Variants in FLG observed in about 807,000 individuals in gnomAD.
FLG encodes the protein epidermal filaggrin.
A neutral mutation model predicts 3.8 loss-of-function variants in FLG; 6 were observed. The ratio of observed to expected loss-of-function variants is 1.60; its 90% confidence interval spans 0.87 to 3.15. The LOEUF (loss-of-function observed/expected upper bound fraction) is 3.15. Among genes scored for constraint, FLG ranks in the 30% most tolerant of loss-of-function variants. The probability of loss-of-function intolerance (pLI) is 0.00; values close to 1 mark genes in which losing one functional copy is unlikely to be tolerated. For synonymous variants in FLG, 2,551 were observed against 1,931.6 expected (o/e 1.32, Z -8.41); for missense variants, 7,595 against 5,050.9 (o/e 1.50, Z -15.27).
Position 152,304,562 on chromosome 1 carries a change from T to A in FLG, c.10324A>T (p.Arg3442Ter), listed in dbSNP as rs764094665. The A allele has an allele frequency of 2.5e-5, 40 of 1,610,204 alleles. 1 individual carries two copies. The highest frequency in any genetic ancestry group is 3.1e-5 in the Non-Finnish European group (37 of 1,178,068). Residue 3442 changes from arginine (R) to a stop codon, truncating the protein, a stop_gained, in exon 3 of 3, where the codon AGA becomes TGA. Transcript: ENST00000368799. LOFTEE classifies it low-confidence loss of function (END_TRUNC). ...DTIRGHPGSS[R>*]RGRQGSHYEQ... The stretch of plus-strand genomic sequence containing the variant: ...TAGTGGGATCCCTGCCTTCCTCTTC[T>A]GCTTGACCCCGGGTGTCCACGAATG...
rs753760290 is a variant in FLG, at chr1:152,309,536, G to T, written c.5350C>A (p.Pro1784Thr). 7.4e-6 allele frequency: 12 copies of T among 1,613,662 alleles called. No homozygotes were observed. The South Asian group carries it at 8.8e-5, about 12-fold the overall frequency. ...QSESAHGRTG[P>T]STGGRQRSRH... is the part of the protein sequence containing the mutation. Reference sequence around the variant, plus strand: ...GATCTTTGTCTTCCTCCAGTGCTGGGCCCTGTGCGTCCATGGGCGGACTCA... The same window carrying T: ...GATCTTTGTCTTCCTCCAGTGCTGGTCCCTGTGCGTCCATGGGCGGACTCA... Residue 1784 changes from proline (P) to threonine (T), a missense_variant, in exon 3 of 3, where the codon CCC (proline) becomes ACC (threonine). Physicochemically the swap from Pro to Thr is conservative, Grantham distance 38 (BLOSUM62 -1). Coordinates refer to ENST00000368799, the MANE Select transcript of FLG (RefSeq NM_002016.2).
At position 152,313,113 on chromosome 1, in the gene FLG, A is replaced by T. The variant is rs1228768623; in HGVS notation, c.1773T>A (p.Ala591=). ...GTCTAGAGCTGTCAGCCTGAGAGGA[A>T]GCTTCATGATGACGTGACCCTGAGT... is the stretch of plus-strand genomic sequence containing the variant. ...TRHSGSRHHE[A]SSQADSSRHS... Residue 591 remains alanine (A), a synonymous_variant, in exon 3 of 3, where the codon GCT becomes GCA. Coordinates refer to ENST00000368799, the MANE Select transcript of FLG (RefSeq NM_002016.2). 6.2e-7 allele frequency: 1 copy of T among 1,613,806 alleles called. No individual in the cohort carries two copies. Among genetic ancestry groups the T allele is most frequent in the Non-Finnish European group, 8.5e-7 (1 of 1,179,982 alleles).
In FLG at chr1:152,304,793, G is replaced by A. The variant is rs1330940753; in HGVS notation, c.10093C>T (p.Gln3365Ter). The A allele has an allele frequency of 8.1e-6, 13 of 1,613,904 alleles. No homozygotes were observed. The highest frequency in any genetic ancestry group is 4.5e-5 in the East Asian group (2 of 44,810). The part of the protein sequence containing the change: ...VSGHGQAGPH[Q>*]QSHQESARDR... ...CGTGCGGACTCTTGGTGGCTCTGCTGATGGGGCCCAGCCTGTCCATGGCCT... is the reference window on the plus strand; with the variant it reads ...CGTGCGGACTCTTGGTGGCTCTGCTAATGGGGCCCAGCCTGTCCATGGCCT... The change falls in exon 3 of 3, where the codon CAG becomes TAG. Residue 3365 changes from glutamine to a stop codon, truncating the protein, a stop_gained. Transcript: ENST00000368799. LOFTEE classifies it low-confidence loss of function (END_TRUNC).
chr1:152,309,487 C>T lies in FLG; in HGVS notation c.5399G>A (p.Ser1800Asn). 6.2e-7 allele frequency: 1 copy of T among 1,613,940 alleles called. No individual in the cohort carries two copies. The highest frequency in any genetic ancestry group is 8.5e-7 in the Non-Finnish European group (1 of 1,179,962). Reference sequence around the variant, plus strand: ...CTCTTGGGACGCTGAGTGCCTGGAGCTGTCTCGTGCCTGCTCGTGGCGGGA... The same window carrying T: ...CTCTTGGGACGCTGAGTGCCTGGAGTTGTCTCGTGCCTGCTCGTGGCGGGA... ...QRSRHEQARDSSRHSASQEGQ... is the reference protein window; with the variant it reads ...QRSRHEQARDNSRHSASQEGQ... The change falls in exon 3 of 3, where the codon AGC becomes AAC. Residue 1800 changes from serine to asparagine, a missense_variant. By Grantham distance (46) the Ser-to-Asn change is conservative. Transcript: ENST00000368799.
intron 1 of FLG, among the ~76,000 whole-genome samples, chr1:152,318,502 C>G (rs754142862): frequency 2.6e-5 from 4 of 151,748 alleles, no homozygotes; most frequent in African/African-American, 9.7e-5. Flanking sequence ...GTATTCTTTA[C>G]TAACCTCTCT....
At chr1:152,315,714 A>C (rs1304213467) in intron 1 of FLG, among the ~76,000 whole-genome samples, 2 of 152,202 alleles carry the variant, frequency 1.3e-5, no homozygotes, top group African/African-American at 4.8e-5. Flanking sequence ...AGCTGGACTT[A>C]GTAGTCTCAC....
rs375986344 is a variant in FLG at position 152,312,558 on chromosome 1, T to C, written c.2328A>G (p.Gln776=). The C allele has an allele frequency of 1.9e-6, 3 of 1,613,694 alleles. No homozygotes were observed. The highest frequency in any genetic ancestry group is 1.3e-5 in the African/African-American group (1 of 74,742). The part of the protein sequence containing the change: ...GQAGHHQQSH[Q]ESARDRSGER... ...CCCCTGACCGGTCACGTGCGGACTC[T>C]TGGTGGCTCTGCTGATGGTGACCAG... Residue 776 remains glutamine (Q), a synonymous_variant, in exon 3 of 3, where the codon CAA becomes CAG. Coordinates refer to ENST00000368799, the MANE Select transcript of FLG (RefSeq NM_002016.2).
At position 152,310,347 on chromosome 1, in the gene FLG, TC is replaced by T. The variant is rs762625752; in HGVS notation, c.4538del (p.Gly1513AspfsTer193). ...SYHEQSVDRSGHSGYHHSHTT... is the reference protein window; with the variant it reads ...SYHEQSVDRSXHSGYHHSHTT... Reference sequence around the variant, plus strand: ...TGTGGCTGTGATGGTACCCTGAGTGTCCAGACCTATCTACTGATTGCTCGTG... The same window carrying T: ...TGTGGCTGTGATGGTACCCTGAGTGTCAGACCTATCTACTGATTGCTCGTG... On this transcript the variant is annotated frameshift_variant, in exon 3 of 3. Coordinates refer to ENST00000368799, the MANE Select transcript of FLG (RefSeq NM_002016.2). LOFTEE classifies it low-confidence loss of function (END_TRUNC). 39 of 1,613,724 alleles carry T rather than the reference TC, an allele frequency of 2.4e-5. No homozygotes were observed. Among genetic ancestry groups the T allele is most frequent in the Non-Finnish European group, 2.6e-5 (31 of 1,179,978 alleles).
At position 152,309,541 on chromosome 1, in the gene FLG, G is replaced by C; in HGVS notation, c.5345C>G (p.Thr1782Arg). 6.2e-7 allele frequency: 1 copy of C among 1,613,888 alleles called. No individual in the cohort carries two copies. The highest frequency in any genetic ancestry group is 8.5e-7 in the Non-Finnish European group (1 of 1,179,964). ...TTGTCTTCCTCCAGTGCTGGGCCCT[G>C]TGCGTCCATGGGCGGACTCAGACTG... ...HEQSESAHGR[T>R]GPSTGGRQRS... The change falls in exon 3 of 3, where the codon ACA (threonine) becomes AGA (arginine). Residue 1782 changes from threonine to arginine, a missense_variant. By Grantham distance (71) the Thr-to-Arg change is moderately conservative. Coordinates refer to ENST00000368799, the MANE Select transcript of FLG (RefSeq NM_002016.2).
In FLG at chr1:152,314,083, G is replaced by T; in HGVS notation, c.803C>A (p.Ser268Ter). Reference sequence around the variant, plus strand: ...ATGTCTTGACCTGTTCACTTGAGATGATGATTTGCCATCAGATGACCTTGA... The same window carrying T: ...ATGTCTTGACCTGTTCACTTGAGATTATGATTTGCCATCAGATGACCTTGA... ...ERSRSSDGKS[S>*]SQVNRSRHEN... is the part of the protein sequence containing the mutation. Residue 268 changes from serine (S) to a stop codon, truncating the protein, a stop_gained, in exon 3 of 3, where the codon TCA becomes TAA. Coordinates refer to ENST00000368799, the MANE Select transcript of FLG (RefSeq NM_002016.2). LOFTEE classifies it low-confidence loss of function (END_TRUNC). The T allele has an allele frequency of 6.2e-7, 1 of 1,614,194 alleles. No homozygotes were observed. Among genetic ancestry groups the T allele is most frequent in the South Asian group, 1.1e-5 (1 of 91,088 alleles).
At position 152,305,785 on chromosome 1, in the gene FLG, T is replaced by G; in HGVS notation, c.9101A>C (p.His3034Pro). The stretch of plus-strand genomic sequence containing the variant: ...CTGCTGATGGGACCCAGCCTGTCCG[T>G]GGGCTGACACTGACTGTGTGTCTGA... ...EDSDTQSVSA[H>P]GQAGSHQQSH... The change falls in exon 3 of 3, where the codon CAC (histidine) becomes CCC (proline). Residue 3034 changes from histidine to proline, a missense_variant. Coordinates refer to ENST00000368799, the MANE Select transcript of FLG (RefSeq NM_002016.2). The G allele has an allele frequency of 9.2e-7, 1 of 1,081,928 alleles. No homozygotes were observed. Among genetic ancestry groups the G allele is most frequent in the Non-Finnish European group, 1.3e-6 (1 of 782,628 alleles). The allele number at this position is 1,081,928 out of a possible 1,614,324, so 67.0% of individuals were successfully genotyped here. A position where few individuals can be genotyped will look rare whatever the true frequency, so the allele number is the denominator to read the frequency against.
Position 152,309,671 on chromosome 1 carries a change from G to T in FLG, c.5215C>A (p.Gln1739Lys), listed in dbSNP as rs1457441974. The T allele has an allele frequency of 1.2e-6, 2 of 1,613,932 alleles. No homozygotes were observed. The highest frequency in any genetic ancestry group is 2.2e-5 in the East Asian group (1 of 44,812). Residue 1739 changes from glutamine (Q) to lysine (K), a missense_variant, in exon 3 of 3, where the codon CAG becomes AAG. Physicochemically the swap from Gln to Lys is moderately conservative, Grantham distance 53. Coordinates refer to ENST00000368799, the MANE Select transcript of FLG (RefSeq NM_002016.2). ...SDTQSVSAHG[Q>K]AGPHQQSHQE... ...TGGCTCTGCTGATGGGGCCCAGCCTGTCCGTGGGCTGACACTGACTGTGTG... is the reference window on the plus strand; with the variant it reads ...TGGCTCTGCTGATGGGGCCCAGCCTTTCCGTGGGCTGACACTGACTGTGTG...
At position 152,312,801 on chromosome 1, in the gene FLG, T is replaced by A; in HGVS notation, c.2085A>T (p.Ser695=). 6.2e-7 allele frequency: 1 copy of A among 1,614,046 alleles called. No homozygotes were observed. The highest frequency in any genetic ancestry group is 8.5e-7 in the Non-Finnish European group (1 of 1,180,022). The stretch of plus-strand genomic sequence containing the variant: ...CACTTGATCTTGCCTGTTCATGGGA[T>A]GACGCAGCCTGTCCACTAGAGGAAT... ...TQNSSSGQAA[S]SHEQARSSAG... Residue 695 remains serine (S), a synonymous_variant, in exon 3 of 3, where the codon TCA becomes TCT. Coordinates refer to ENST00000368799, the MANE Select transcript of FLG (RefSeq NM_002016.2).
chr1:152,314,827 G>A (rs770755074), intron 2 of FLG, 80 bp from the exon 3 acceptor site: 19 of 1,575,776 alleles, frequency 1.2e-5, no homozygotes, highest in Non-Finnish European at 1.5e-5. Context: ...GTTAATTTAA[G>A]GAACCTGATC....
chr1:152,308,813 C>A lies in FLG; in HGVS notation c.6073G>T (p.Gly2025Ter). The A allele has an allele frequency of 6.2e-7, 1 of 1,613,678 alleles. No individual in the cohort carries two copies. Among genetic ancestry groups the A allele is most frequent in the Non-Finnish European group, 8.5e-7 (1 of 1,180,004 alleles). ...TCTCTGACTGCAGATGAAGCTTGTC[C>A]ATGCCCAATGCCTGAGTGTCTGGAG... ...DSSRHSGIGH[G>*]QASSAVRDSG... The change falls in exon 3 of 3, where the codon GGA becomes TGA. Residue 2025 changes from glycine to a stop codon, truncating the protein, a stop_gained. Transcript: ENST00000368799. LOFTEE classifies it low-confidence loss of function (END_TRUNC).
At position 152,313,821 on chromosome 1, in the gene FLG, T is replaced by G. The variant is rs772765048; in HGVS notation, c.1065A>C (p.Gln355His). Residue 355 changes from glutamine to histidine, a missense_variant, in exon 3 of 3, where the codon CAA becomes CAC. By Grantham distance (24) the Gln-to-His change is conservative. Coordinates refer to ENST00000368799, the MANE Select transcript of FLG (RefSeq NM_002016.2). ...AAGTCTCTGCGTGACGAGTGCCTGA[T>G]TGTCTGGAGCTGTCTGCAGAGTGCC... is the stretch of plus-strand genomic sequence containing the variant. ...SHGHSADSSR[Q>H]SGTRHAETSS... The G allele has an allele frequency of 9.3e-6, 15 of 1,613,892 alleles. No individual in the cohort carries two copies. The Admixed American group carries it at 2.5e-4, about 27-fold the overall frequency.
At position 152,311,957 on chromosome 1, in the gene FLG, G is replaced by C. The variant is rs144419479; in HGVS notation, c.2929C>G (p.Gln977Glu). The C allele has an allele frequency of 8.7e-6, 14 of 1,613,982 alleles. No individual in the cohort carries two copies. The African/African-American group carries it at 1.7e-4, about 20-fold the overall frequency. Reference sequence around the variant, plus strand: ...GGGTGTCTGGAGCCATGTCTTGACTGCTCCTGAGCAGATCCACGATGGTTT... The same window carrying C: ...GGGTGTCTGGAGCCATGTCTTGACTCCTCCTGAGCAGATCCACGATGGTTT... ...SRNHRGSAQE[Q>E]SRHGSRHPRS... is the part of the protein sequence containing the mutation. Residue 977 changes from glutamine to glutamate, a missense_variant, in exon 3 of 3, where the codon CAG becomes GAG. Physicochemically the swap from Gln to Glu is conservative, Grantham distance 29 (BLOSUM62 2). Transcript: ENST00000368799.
Position 152,312,105 on chromosome 1 carries a change from C to T in FLG, c.2781G>A (p.Gln927=), listed in dbSNP as rs1446043058. The T allele has an allele frequency of 1.2e-6, 2 of 1,614,112 alleles. No homozygotes were observed. Among genetic ancestry groups the T allele is most frequent in the South Asian group, 1.1e-5 (1 of 91,066 alleles). The change falls in exon 3 of 3, where the codon CAG becomes CAA. Residue 927 remains glutamine, a synonymous_variant. Transcript: ENST00000368799. Reference sequence around the variant, plus strand: ...ACCCCTCTGATTGTCCCTGGCCTGCCTGTGAGTGTCTAGAGATGTCGGCAT... The same window carrying T: ...ACCCCTCTGATTGTCCCTGGCCTGCTTGTGAGTGTCTAGAGATGTCGGCAT... ...SSHADISRHS[Q]AGQGQSEGSR...
chr1:152,309,228 A>G lies in FLG; in HGVS notation c.5658T>C (p.His1886=), dbSNP rs138028578. The G allele has an allele frequency of 1.9e-6, 3 of 1,613,140 alleles. No individual in the cohort carries two copies. The African/African-American group carries it at 4.0e-5, about 22-fold the overall frequency. The stretch of plus-strand genomic sequence containing the variant: ...AGCTGTCGGCCCGAGAGGAAGCTTC[A>G]TGGTGACGCGACCCTGAGTGCCTGG... ...DGSRHSGSRH[H]EASSRADSSR... is the part of the protein sequence containing the mutation. The change falls in exon 3 of 3, where the codon CAT becomes CAC. Residue 1886 remains histidine (H), a synonymous_variant. Coordinates refer to ENST00000368799, the MANE Select transcript of FLG (RefSeq NM_002016.2).
Sources: gnomAD v4.1 joint callset for allele counts (sites outside exome capture counted in the v4.1 genomes callset) on GRCh38, gnomAD v4.1.1 for gene constraint, MANE v1.5 for transcripts, NCBI Gene and HGNC (gene_info 2026-07-23, HGNC 2026-07-21) for gene names.